SWAP70: variants seen among roughly 807,000 people sequenced by gnomAD.
SWAP70 encodes the protein switching B cell complex subunit SWAP70, also known as switch-associated protein 70.
In SWAP70, 34 loss-of-function variants were observed where a neutral mutation model predicts 80.2. The observed-to-expected ratio is 0.42, with a 90% CI of 0.32 to 0.56. The LOEUF (loss-of-function observed/expected upper bound fraction) is 0.56. Among genes scored for constraint, SWAP70 ranks in the 20% least tolerant of loss-of-function variants. The pLI is 0.09. For missense variants in SWAP70, 578 were observed against 690.7 expected (o/e 0.84, Z 1.83); for synonymous variants, 239 against 238.5 (o/e 1.00, Z -0.02).
chr11:9,727,126 C>A (rs1280310560), intron 4 of SWAP70, among the ~76,000 whole-genome samples: 1 of 151,974 alleles, frequency 6.6e-6, no homozygotes, highest in Non-Finnish European at 1.5e-5. Context: ...CGTGGTGGCT[C>A]ACGCCTATAA....
chr11:9,706,661 TA>T (rs1850919163), intron 2 of SWAP70, among the ~76,000 whole-genome samples: 1 of 152,176 alleles, frequency 6.6e-6, no homozygotes, highest in Non-Finnish European at 1.5e-5. Flanking sequence ...ATGTATATCT[TA>T]ATGTATGATT....
chr11:9,716,850 A>G lies in SWAP70; in HGVS notation c.414+3211A>G, dbSNP rs72850646. Among the ~76,000 whole-genome samples the G allele has an allele frequency of 6.3e-3, 959 of 152,310 alleles. 4 individuals are homozygous for G. The highest frequency in any genetic ancestry group is 8.7e-3 in the Non-Finnish European group (589 of 68,024). On this transcript the variant is annotated intron_variant, in intron 3 of 11. Coordinates refer to ENST00000318950, the MANE Select transcript of SWAP70 (RefSeq NM_015055.4). ...AGGGAGGAAGACTGTAGTTGGAGAC[A>G]TGAGTGCCAAGGACGGAACCTTGGG...
intron 1 of SWAP70, among the ~76,000 whole-genome samples, chr11:9,678,719 C>T (rs1850531982): frequency 6.6e-6 from 1 of 151,976 alleles, no homozygotes; most frequent in South Asian, 2.1e-4. Flanking sequence ...TTTAGGCGAC[C>T]TTCTCCCAGG....
At chr11:9,706,975 A>G (rs1850923855) in intron 2 of SWAP70, among the ~76,000 whole-genome samples, 1 of 151,892 alleles carries the variant, frequency 6.6e-6, no homozygotes. Flanking sequence ...TCTTTCACAT[A>G]TATTTCTTTA....
chr11:9,668,719 C>G (rs1850338601), intron 1 of SWAP70, among the ~76,000 whole-genome samples: 1 of 152,108 alleles, frequency 6.6e-6, no homozygotes, highest in Admixed American at 6.5e-5. Flanking sequence ...AAACAGCAGA[C>G]TAATAATTAT....
At chr11:9,731,950 G>A (rs998991023) in intron 6 of SWAP70, among the ~76,000 whole-genome samples, 2 of 152,158 alleles carry the variant, frequency 1.3e-5, no homozygotes, top group Non-Finnish European at 2.9e-5. Context: ...ATCAGATGTT[G>A]TATAACAGTT....
In SWAP70 at chr11:9,710,996, TTTTATTTA is replaced by T. The variant is rs71034734; in HGVS notation, c.241-2450_241-2443del. Among the ~76,000 whole-genome samples, 7 of 149,012 alleles carry T rather than the reference TTTTATTTA, an allele frequency of 4.7e-5. No homozygotes were observed. In the East Asian group the frequency reaches 5.8e-4, roughly 12 times the overall value. ...CCACTGTGCCTGGCCTGTTTTTTAT[TTTTATTTA>T]TTTATTTATTTATTTATTTTTGTAT... is the stretch of plus-strand genomic sequence containing the variant. On this transcript the variant is annotated intron_variant, in intron 2 of 11. Coordinates refer to ENST00000318950, the MANE Select transcript of SWAP70 (RefSeq NM_015055.4).
intron 1 of SWAP70, among the ~76,000 whole-genome samples, chr11:9,667,949 T>C (rs1850329248): frequency 6.6e-6 from 1 of 152,124 alleles, no homozygotes; most frequent in Non-Finnish European, 1.5e-5. Context: ...AGTGCAGTGG[T>C]GCGATCTTGG....
At chr11:9,746,454 A>G (rs926915082) in intron 9 of SWAP70, among the ~76,000 whole-genome samples, 2 of 152,238 alleles carry the variant, frequency 1.3e-5, no homozygotes, top group Admixed American at 1.3e-4. Flanking sequence ...CACATAAAAA[A>G]TACACATCAA....
chr11:9,670,994 C>T (rs1357983214), intron 1 of SWAP70, among the ~76,000 whole-genome samples: 2 of 149,816 alleles, frequency 1.3e-5, no homozygotes, highest in Non-Finnish European at 3.0e-5. Context: ...ACCTTGTGAT[C>T]CACCCACCTC....
At chr11:9,731,208 A>T (rs1229144155) in intron 6 of SWAP70, among the ~76,000 whole-genome samples, 8 of 152,204 alleles carry the variant, frequency 5.3e-5, no homozygotes, top group Admixed American at 2.0e-4. Flanking sequence ...AGGGCTTTTT[A>T]AAAAAAATCC....
intron 1 of SWAP70, among the ~76,000 whole-genome samples, chr11:9,681,643 C>G (rs564286567): frequency 3.7e-4 from 57 of 152,226 alleles, no homozygotes; most frequent in Middle Eastern, 3.4e-3. Flanking sequence ...GAAATTAAAA[C>G]AGATATGTAC....
At chr11:9,726,549 G>A (rs985681621) in intron 4 of SWAP70, among the ~76,000 whole-genome samples, 7 of 152,166 alleles carry the variant, frequency 4.6e-5, no homozygotes, top group Non-Finnish European at 7.4e-5. Context: ...TAGAATTGCC[G>A]TATGAGATAG....
At chr11:9,704,693 A>G (rs1047262986) in intron 2 of SWAP70, among the ~76,000 whole-genome samples, 4 of 152,136 alleles carry the variant, frequency 2.6e-5, no homozygotes, top group African/African-American at 9.7e-5. Context: ...GTGCCCTGCT[A>G]GAGTTCCCTG....
intron 3 of SWAP70, among the ~76,000 whole-genome samples, chr11:9,716,518 C>G (rs1851068125): frequency 6.6e-6 from 1 of 152,194 alleles, no homozygotes; most frequent in Non-Finnish European, 1.5e-5. Flanking sequence ...GTTTGGGGTT[C>G]CCCATCTGTA....
At chr11:9,699,669 A>G (rs771023956) in intron 2 of SWAP70, among the ~76,000 whole-genome samples, 1 of 152,072 alleles carries the variant, frequency 6.6e-6, no homozygotes, top group Non-Finnish European at 1.5e-5. Context: ...ATCCTGGGTG[A>G]CATAGTGAGA....
chr11:9,698,101 T>TG (rs1850783426), intron 2 of SWAP70, among the ~76,000 whole-genome samples: 1 of 107,318 alleles, frequency 9.3e-6, no homozygotes, highest in Admixed American at 9.9e-5. Flanking sequence ...ATGTTTTTTG[T>TG]TTTTTTTTTT....
intron 2 of SWAP70, among the ~76,000 whole-genome samples, chr11:9,703,882 A>T (rs750668313): frequency 2.6e-5 from 4 of 152,186 alleles, no homozygotes; most frequent in Non-Finnish European, 5.9e-5. Flanking sequence ...TAAAATATAG[A>T]ACTGGGACTC....
chr11:9,691,588 T>C (rs1054154111), intron 1 of SWAP70, among the ~76,000 whole-genome samples: 22 of 152,236 alleles, frequency 1.4e-4, no homozygotes, highest in African/African-American at 4.3e-4. Context: ...ACTAAGCATC[T>C]ATATGTACAA....
Sources: allele counts gnomAD v4.1 joint callset (sites outside exome capture counted in the v4.1 genomes callset), GRCh38; gene constraint gnomAD v4.1.1; transcripts MANE v1.5; gene names NCBI Gene and HGNC (gene_info 2026-07-23, HGNC 2026-07-21).